SPRED2: variants seen among roughly 807,000 people sequenced by gnomAD.
SPRED2 encodes sprouty related EVH1 domain containing 2.
Under a neutral mutation model 43.0 loss-of-function variants are expected in SPRED2, and 47 were observed. The observed-to-expected ratio is 1.09, with a 90% CI of 0.87 to 1.40. SPRED2 has a LOEUF of 1.40. Among genes scored for constraint, SPRED2 ranks in the 40% most tolerant of loss-of-function variants. The pLI is 0.00. For missense variants in SPRED2, 561 were observed against 586.4 expected (o/e 0.96, Z 0.45); for synonymous variants, 225 against 225.7 (o/e 1.00, Z 0.03).
At chr2:65,382,099 A>T (rs1222059772) in intron 1 of SPRED2, among the ~76,000 whole-genome samples, 1 of 152,144 alleles carries the variant, frequency 6.6e-6, no homozygotes, top group African/African-American at 2.4e-5. Flanking sequence ...GGTTTCTGAG[A>T]TGGTCCTGCA....
intron 1 of SPRED2, among the ~76,000 whole-genome samples, chr2:65,430,445 G>A (rs1467071899): frequency 1.3e-5 from 2 of 152,130 alleles, no homozygotes; most frequent in Non-Finnish European, 1.5e-5. Context: ...ACTCCCGCCC[G>A]GACTGGCAAC....
intron 1 of SPRED2, among the ~76,000 whole-genome samples, chr2:65,412,811 G>C (rs1676192646): frequency 6.6e-6 from 1 of 152,140 alleles, no homozygotes. Flanking sequence ...AAAAATCCTA[G>C]TCTCAAACTC....
In SPRED2 at chr2:65,363,005, G is replaced by GTTT. The variant is rs113081105; in HGVS notation, c.27-18112_27-18110dup. ...GCTTTCTCTATGGTCATCATGTTTT[G>GTTT]TTTTTTTTTTTTTTTTTTTTTTTTG... On this transcript the variant is annotated intron_variant, in intron 1 of 5. Transcript: ENST00000356388. Among the ~76,000 whole-genome samples, 216 of 121,026 alleles carry GTTT rather than the reference G, an allele frequency of 1.8e-3. 4 individuals are homozygous for GTTT. Among genetic ancestry groups the GTTT allele is most frequent in the East Asian group, 4.2e-3 (19 of 4,484 alleles). The allele number at this position is 121,026 out of a possible 152,430, so 79.4% of individuals were successfully genotyped here. A position where few individuals can be genotyped will look rare whatever the true frequency, so the allele number is the denominator to read the frequency against.
At chr2:65,377,208 A>G (rs1186101226) in intron 1 of SPRED2, among the ~76,000 whole-genome samples, 1 of 152,226 alleles carries the variant, frequency 6.6e-6, no homozygotes, top group Admixed American at 6.5e-5. Context: ...ACATATTAAG[A>G]TGCTTGTTTA....
At chr2:65,369,002 G>A (rs1423006373) in intron 1 of SPRED2, among the ~76,000 whole-genome samples, 3 of 152,146 alleles carry the variant, frequency 2.0e-5, no homozygotes, top group Non-Finnish European at 4.4e-5. Flanking sequence ...CTGAACCTGG[G>A]AGGCTGAAGC....
In SPRED2 at chr2:65,312,802, A is replaced by G; in HGVS notation, c.*699T>C. On this transcript the variant is annotated 3_prime_UTR_variant, in exon 6 of 6. Transcript: ENST00000356388. Reference sequence around the variant, plus strand: ...CTCAATTCTCAGTCTATTACGGGTGAATGTTTTGCATCAGTGAATCATTTC... The same window carrying G: ...CTCAATTCTCAGTCTATTACGGGTGGATGTTTTGCATCAGTGAATCATTTC... The G allele has an allele frequency of 2.0e-6, 2 of 985,874 alleles. No individual in the cohort carries two copies. The highest frequency in any genetic ancestry group is 3.5e-5 in the African/African-American group (2 of 57,362). The allele number at this position is 985,874 out of a possible 1,614,324, so 61.1% of individuals were successfully genotyped here.
intron 1 of SPRED2, among the ~76,000 whole-genome samples, chr2:65,382,334 G>C (rs906712723): frequency 6.6e-6 from 1 of 152,148 alleles, no homozygotes; most frequent in Non-Finnish European, 1.5e-5. Context: ...AGCCAGGGGG[G>C]GTGCTTTGGA....
At chr2:65,382,089 G>A (rs1675386349) in intron 1 of SPRED2, among the ~76,000 whole-genome samples, 1 of 152,200 alleles carries the variant, frequency 6.6e-6, no homozygotes, top group South Asian at 2.1e-4. Flanking sequence ...TTTGCTGGGT[G>A]GTTTCTGAGA....
At chr2:65,407,701 G>A (rs1174901871) in intron 1 of SPRED2, among the ~76,000 whole-genome samples, 1 of 152,152 alleles carries the variant, frequency 6.6e-6, no homozygotes, top group Non-Finnish European at 1.5e-5. Context: ...TTCACCCGTG[G>A]AGACGCGGTA....
At chr2:65,341,480 A>T (rs543708027) in intron 2 of SPRED2, among the ~76,000 whole-genome samples, 1 of 152,242 alleles carries the variant, frequency 6.6e-6, no homozygotes, top group Admixed American at 6.5e-5. Context: ...GACTGCCCTA[A>T]TATTATGCCA....
chr2:65,329,107 G>A (rs896932918), intron 4 of SPRED2, among the ~76,000 whole-genome samples: 1 of 152,170 alleles, frequency 6.6e-6, no homozygotes, highest in African/African-American at 2.4e-5. Flanking sequence ...TGGATGGGAG[G>A]GGGCTGGGAT....
chr2:65,344,494 C>G, intron 2 of SPRED2: 1 of 681,132 alleles, frequency 1.5e-6, no homozygotes, highest in East Asian at 3.0e-5. Context: ...AAATATACTT[C>G]TAAGCATCTC....
At chr2:65,416,891 A>C (rs1558691156) in intron 1 of SPRED2, among the ~76,000 whole-genome samples, 1 of 152,216 alleles carries the variant, frequency 6.6e-6, no homozygotes, top group Non-Finnish European at 1.5e-5. Flanking sequence ...ACAGAGGACA[A>C]GCCCCACTTT....
intron 1 of SPRED2, among the ~76,000 whole-genome samples, chr2:65,391,195 T>TACAC (rs70943648): frequency 0.2 from 29,602 of 145,432 alleles, 3,031 homozygotes; most frequent in Admixed American, 0.22. Context: ...CCTTAATGTG[T>TACAC]ACACACACAC....
At chr2:65,422,104 ACTCTCT>A (rs71398633) in intron 1 of SPRED2, among the ~76,000 whole-genome samples, 5,362 of 128,972 alleles carry the variant, frequency 0.042, 116 homozygotes, top group Middle Eastern at 0.058. Flanking sequence ...ACACACACAC[ACTCTCT>A]CTCTCTCTCT....
intron 1 of SPRED2, among the ~76,000 whole-genome samples, chr2:65,418,746 G>T (rs994317950): frequency 4.0e-5 from 6 of 151,884 alleles, no homozygotes; most frequent in Non-Finnish European, 7.4e-5. Flanking sequence ...GTAGAGATGG[G>T]ATTTCACCAT....
chr2:65,312,603 C>T lies in SPRED2; in HGVS notation c.*898G>A, dbSNP rs116457886. On this transcript the variant is annotated 3_prime_UTR_variant, in exon 6 of 6. Coordinates refer to ENST00000356388, the MANE Select transcript of SPRED2 (RefSeq NM_181784.3). ...TTTCTTACTTCACTAGTATCCTATT[C>T]TAATATTGCTAAATTTTTAGAAGTG... The T allele has an allele frequency of 4.2e-4, 416 of 985,752 alleles. 4 individuals are homozygous for T. The African/African-American group carries it at 5.5e-3, about 13-fold the overall frequency. The allele number at this position is 985,752 out of a possible 1,614,324, so 61.1% of individuals were successfully genotyped here. A position where few individuals can be genotyped will look rare whatever the true frequency, so the allele number is the denominator to read the frequency against.
intron 1 of SPRED2, among the ~76,000 whole-genome samples, chr2:65,366,340 A>G (rs1674976071): frequency 1.5e-5 from 2 of 130,072 alleles, no homozygotes; most frequent in Admixed American, 8.0e-5. Flanking sequence ...TTTCTATCAG[A>G]ATATCTAAGG....
Position 65,432,020 on chromosome 2 carries a change from G to A in SPRED2, c.-33C>T, listed in dbSNP as rs763829706. 5.6e-6 allele frequency: 9 copies of A among 1,613,482 alleles called. No homozygotes were observed. The highest frequency in any genetic ancestry group is 1.1e-5 in the South Asian group (1 of 91,076). On this transcript the variant is annotated 5_prime_UTR_variant, in exon 1 of 6. Coordinates refer to ENST00000356388, the MANE Select transcript of SPRED2 (RefSeq NM_181784.3). ...TTCACCTAGACGCCTGTCCCGCGGC[G>A]GGCAGCTTTGCTCCCTTCATCTTCC...
Sources: allele counts gnomAD v4.1 joint callset (sites outside exome capture counted in the v4.1 genomes callset), GRCh38; gene constraint gnomAD v4.1.1; transcripts MANE v1.5; gene names NCBI Gene and HGNC (gene_info 2026-07-23, HGNC 2026-07-21).